Variants in ADK observed in about 807,000 individuals in gnomAD.
The protein encoded by ADK is adenosine kinase, also known as N6,N6-dimethyladenosine kinase.
A neutral mutation model predicts 44.7 loss-of-function variants in ADK; 24 were observed. That is an observed-to-expected ratio of 0.54 (90% CI 0.39 to 0.76). The LOEUF is 0.76. Ranked by LOEUF, ADK falls within the 30% of genes least tolerant of loss-of-function variation. ADK has a pLI of 0.00. For missense variants in ADK, 321 were observed against 425.1 expected, an observed-to-expected ratio of 0.76 and a Z score of 2.15; for synonymous variants, 128 against 142.6, an observed-to-expected ratio of 0.90 and a Z score of 0.73.
chr10:74,321,273 A>G (rs966866116), intron 4 of ADK, among the ~76,000 whole-genome samples: 4 of 151,788 alleles, frequency 2.6e-5, no homozygotes, highest in African/African-American at 7.3e-5. Flanking sequence ...CATTGAGGCT[A>G]TATGGATTTT....
intron 6 of ADK, among the ~76,000 whole-genome samples, chr10:74,518,533 A>G (rs890324415): frequency 6.6e-6 from 1 of 152,180 alleles, no homozygotes; most frequent in Non-Finnish European, 1.5e-5. Flanking sequence ...GCTTTTTACT[A>G]TTTGTAAACA....
intron 9 of ADK, among the ~76,000 whole-genome samples, chr10:74,627,188 C>CA (rs554169177): frequency 2.8e-3 from 408 of 144,822 alleles, no homozygotes; most frequent in Non-Finnish European, 3.3e-3. Context: ...ACAGGGTAAT[C>CA]AAAAAAAAAA....
intron 6 of ADK, among the ~76,000 whole-genome samples, chr10:74,513,049 T>A (rs189546965): frequency 6.6e-6 from 1 of 152,248 alleles, no homozygotes; most frequent in East Asian, 1.9e-4. Context: ...TGTTTAATTT[T>A]CATGTAATGG....
chr10:74,463,058 G>T (rs1036784667), intron 6 of ADK, among the ~76,000 whole-genome samples: 1 of 152,066 alleles, frequency 6.6e-6, no homozygotes, highest in Non-Finnish European at 1.5e-5. Context: ...TTGAGAAATT[G>T]CTATCTAATA....
At chr10:74,198,519 T>C (rs1486589418) in intron 1 of ADK, among the ~76,000 whole-genome samples, 2 of 152,242 alleles carry the variant, frequency 1.3e-5, no homozygotes, top group Non-Finnish European at 2.9e-5. Context: ...TCCATTGATA[T>C]TACTGATAGT....
intron 4 of ADK, among the ~76,000 whole-genome samples, chr10:74,387,904 T>C (rs940024757): frequency 6.6e-6 from 1 of 152,016 alleles, no homozygotes; most frequent in Non-Finnish European, 1.5e-5. Flanking sequence ...TTATTTCTTT[T>C]TTTTCTTTTT....
chr10:74,640,702 G>A (rs886115837), intron 9 of ADK, among the ~76,000 whole-genome samples: 2 of 152,172 alleles, frequency 1.3e-5, no homozygotes, highest in African/African-American at 2.4e-5. Flanking sequence ...CCTCTGTAGC[G>A]TGAAAACAGC....
chr10:74,275,125 G>A (rs1380610188), intron 3 of ADK, among the ~76,000 whole-genome samples: 1 of 152,102 alleles, frequency 6.6e-6, no homozygotes, highest in Non-Finnish European at 1.5e-5. Flanking sequence ...GCTGCCCTGG[G>A]AAGAATAGAT....
chr10:74,187,057 C>T (rs1043379207), intron 1 of ADK, among the ~76,000 whole-genome samples: 3 of 151,810 alleles, frequency 2.0e-5, no homozygotes, highest in Non-Finnish European at 2.9e-5. Context: ...TACATTCCCA[C>T]CAGTTTTTTT....
rs10630238 is a variant in ADK, at chr10:74,201,644, ATATG to A, written c.140+838_140+841del. On this transcript the variant is annotated intron_variant, in intron 2 of 10. Coordinates refer to ENST00000539909, the MANE Select transcript of ADK (RefSeq NM_006721.4). ...TGTGTGTGTGTTTGTGTGTGTGTGT[ATATG>A]TATGTATGTATGTATGTATGTATGT... Among the ~76,000 whole-genome samples the A allele has an allele frequency of 3.0e-3, 268 of 89,652 alleles. 2 individuals carry two copies. Among genetic ancestry groups the A allele is most frequent in the South Asian group, 0.011 (36 of 3,210 alleles). 58.8% of individuals were successfully genotyped at this position (89,652 alleles called of 152,430 possible).
intron 10 of ADK, among the ~76,000 whole-genome samples, chr10:74,689,269 TAAATAATA>T (rs987805741): frequency 4.6e-5 from 7 of 151,282 alleles, no homozygotes; most frequent in Non-Finnish European, 8.8e-5. Flanking sequence ...AATAAATAAA[TAAATAATA>T]AAATAAATAA....
At chr10:74,337,663 A>T (rs1023835574) in intron 4 of ADK, among the ~76,000 whole-genome samples, 1 of 152,098 alleles carries the variant, frequency 6.6e-6, no homozygotes, top group African/African-American at 2.4e-5. Flanking sequence ...AGCTGGCTTC[A>T]TTAGCTTTTT....
intron 8 of ADK, among the ~76,000 whole-genome samples, chr10:74,595,695 T>TTTGG (rs1564810603): frequency 0.036 from 1 of 28 alleles, no homozygotes; most frequent in Non-Finnish European, 0.1. Flanking sequence ...TTCAACAGAT[T>TTTGG]AAAAAAATAG....
intron 9 of ADK, among the ~76,000 whole-genome samples, chr10:74,602,585 G>T (rs1328550808): frequency 6.6e-6 from 1 of 151,984 alleles, no homozygotes; most frequent in Non-Finnish European, 1.5e-5. Context: ...AATCTATTAA[G>T]CCATTCTTAG....
At chr10:74,519,443 A>T (rs1848722525) in intron 6 of ADK, among the ~76,000 whole-genome samples, 1 of 151,996 alleles carries the variant, frequency 6.6e-6, no homozygotes, top group Admixed American at 6.5e-5. Context: ...TCTTTGCACT[A>T]GTCACATTTT....
At chr10:74,690,072 C>G (rs1855933355) in intron 10 of ADK, among the ~76,000 whole-genome samples, 1 of 152,228 alleles carries the variant, frequency 6.6e-6, no homozygotes, top group African/African-American at 2.4e-5. Context: ...CCCATTTGAT[C>G]TCTCTGCAAG....
intron 2 of ADK, among the ~76,000 whole-genome samples, chr10:74,206,379 T>C (rs941158157): frequency 6.6e-6 from 1 of 152,130 alleles, no homozygotes; most frequent in Non-Finnish European, 1.5e-5. Flanking sequence ...TTTGGGGAGG[T>C]GGCAAGCTTT....
At chr10:74,654,880 G>C (rs534609082) in intron 9 of ADK, 1 of 152,690 alleles carries the variant, frequency 6.5e-6, no homozygotes, top group Non-Finnish European at 1.5e-5. Flanking sequence ...TCCGCTTGTG[G>C]CAGAGACCAA....
chr10:74,376,499 C>T (rs1592123059), intron 4 of ADK, among the ~76,000 whole-genome samples: 1 of 151,994 alleles, frequency 6.6e-6, no homozygotes, highest in Non-Finnish European at 1.5e-5. Flanking sequence ...TTTGCCAAAC[C>T]TGATTTAAGT....
Sources: allele counts gnomAD v4.1 joint callset (sites outside exome capture counted in the v4.1 genomes callset), GRCh38; gene constraint gnomAD v4.1.1; transcripts MANE v1.5; gene names NCBI Gene and HGNC (gene_info 2026-07-23, HGNC 2026-07-21).